KDM4C: variants seen among roughly 807,000 people sequenced by gnomAD.
The protein encoded by KDM4C is lysine-specific demethylase 4C.
In KDM4C, 81 loss-of-function variants were observed where a neutral mutation model predicts 129.3. The ratio of observed to expected loss-of-function variants is 0.63; its 90% CI spans 0.52 to 0.75. The LOEUF is 0.75. KDM4C is among the 30% of genes least tolerant of loss of function. The pLI is 0.00. For synonymous variants in KDM4C, 573 were observed against 456.1 expected, an observed-to-expected ratio of 1.26 and a Z score of -3.26; for missense variants, 1,457 against 1,304.0, an observed-to-expected ratio of 1.12 and a Z score of -1.81.
intron 7 of KDM4C, among the ~76,000 whole-genome samples, chr9:6,892,103 G>A (rs1434056682): frequency 6.6e-6 from 1 of 152,162 alleles, no homozygotes; most frequent in Non-Finnish European, 1.5e-5. Flanking sequence ...GGCAATATGT[G>A]TCAAGGAGAA....
intron 20 of KDM4C, among the ~76,000 whole-genome samples, chr9:7,169,484 C>T (rs534323667): frequency 8.5e-5 from 13 of 152,108 alleles, no homozygotes; most frequent in Non-Finnish European, 1.3e-4. Flanking sequence ...TACAGGCATG[C>T]GCCACCATGC....
intron 21 of KDM4C, 124 bp downstream of exon 21, chr9:7,170,014 A>C (rs2130493902): frequency 6.4e-7 from 1 of 1,551,674 alleles, no homozygotes; most frequent in Non-Finnish European, 8.7e-7. Flanking sequence ...AAGCCAATGC[A>C]ACATTTTCCT....
At chr9:7,063,956 C>G (rs1832062108) in intron 17 of KDM4C, among the ~76,000 whole-genome samples, 1 of 152,200 alleles carries the variant, frequency 6.6e-6, no homozygotes, top group South Asian at 2.1e-4. Flanking sequence ...AGCCTCCCGT[C>G]TTTTGGAGCT....
chr9:6,835,401 C>T (rs777572630), intron 4 of KDM4C: 18 of 1,137,642 alleles, frequency 1.6e-5, no homozygotes, highest in Non-Finnish European at 2.3e-5. Context: ...AGAAGGAGAT[C>T]ACCGCCCTGG....
chr9:6,927,089 T>TTCTATCTATCTATCTA (rs34242647), intron 8 of KDM4C, among the ~76,000 whole-genome samples: 249 of 145,192 alleles, frequency 1.7e-3, no homozygotes, highest in Middle Eastern at 3.5e-3. Flanking sequence ...AAAAAAAATT[T>TTCTATCTATCTATCTA]TCTATCTATC....
Position 6,979,597 on chromosome 9 carries a change from G to C in KDM4C, c.922-1328G>C, listed in dbSNP as rs868766331. ...CCTTATTCTAGGTCTAAGAAAAGCA[G>C]GGTGATTACACCTTATTGAACTCAG... On this transcript the variant is annotated intron_variant, in intron 8 of 21. Transcript: ENST00000381309. Among the ~76,000 whole-genome samples the C allele has an allele frequency of 5.9e-5, 9 of 152,294 alleles. 1 individual carries two copies. The South Asian group carries it at 1.5e-3, about 25-fold the overall frequency.
chr9:6,740,107 C>T (rs1196680915), intron 1 of KDM4C, among the ~76,000 whole-genome samples: 1 of 152,020 alleles, frequency 6.6e-6, no homozygotes, highest in Non-Finnish European at 1.5e-5. Flanking sequence ...CCAGGATGGC[C>T]TCGATCTCTT....
chr9:7,174,598 G>A lies in KDM4C; in HGVS notation c.3040G>A (p.Asp1014Asn), dbSNP rs1845278676. 5 of 1,614,230 alleles carry A rather than the reference G, an allele frequency of 3.1e-6. No homozygotes were observed. Among genetic ancestry groups the A allele is most frequent in the Non-Finnish European group, 4.2e-6 (5 of 1,180,036 alleles). The change falls in exon 22 of 22, where the codon GAC (aspartate) becomes AAC (asparagine). Residue 1014 changes from aspartate (D) to asparagine (N), a missense_variant. Transcript: ENST00000381309. ...ATTTGAAGACACGTTTTATGGAGCAGACATTATCCAAGGGGAGAGAAAGAG... is the reference window on the plus strand; with the variant it reads ...ATTTGAAGACACGTTTTATGGAGCAAACATTATCCAAGGGGAGAGAAAGAG... The part of the protein sequence containing the change: ...MRFEDTFYGA[D>N]IIQGERKRQR...
intron 17 of KDM4C, chr9:7,076,731 T>TA (rs2132886820): frequency 8.4e-7 from 1 of 1,195,306 alleles, no homozygotes; most frequent in African/African-American, 1.6e-5. Flanking sequence ...CTATGTGGGG[T>TA]AAAATGACTT....
At chr9:6,791,048 A>G (rs1826487278) in intron 1 of KDM4C, among the ~76,000 whole-genome samples, 1 of 152,118 alleles carries the variant, frequency 6.6e-6, no homozygotes, top group Non-Finnish European at 1.5e-5. Flanking sequence ...TTGTCTGGCC[A>G]ACTCCCATAC....
At chr9:7,004,339 C>A (rs1213891816) in intron 12 of KDM4C, among the ~76,000 whole-genome samples, 2 of 152,162 alleles carry the variant, frequency 1.3e-5, no homozygotes, top group African/African-American at 4.8e-5. Context: ...ATTTTGACAG[C>A]AGTTTTTAAA....
At chr9:7,044,014 G>C (rs1165666288) in intron 15 of KDM4C, among the ~76,000 whole-genome samples, 1 of 151,968 alleles carries the variant, frequency 6.6e-6, no homozygotes, top group African/African-American at 2.4e-5. Context: ...TAGAGTAAGA[G>C]CAATTAACCT....
At chr9:7,105,565 C>T in intron 18 of KDM4C, 1 of 429,016 alleles carries the variant, frequency 2.3e-6, no homozygotes, top group South Asian at 1.7e-5. Context: ...AATTCCTTGC[C>T]CAAATAGATG....
chr9:6,864,987 ATC>A (rs2130534794), intron 5 of KDM4C, among the ~76,000 whole-genome samples: 1 of 145,978 alleles, frequency 6.9e-6, no homozygotes, highest in Non-Finnish European at 1.5e-5. Flanking sequence ...AATTATTTCA[ATC>A]TCTTTGTTAA....
intron 2 of KDM4C, among the ~76,000 whole-genome samples, chr9:6,793,629 T>G (rs1827181495): frequency 6.6e-6 from 1 of 150,678 alleles, no homozygotes; most frequent in Non-Finnish European, 1.5e-5. Context: ...AATCTCCACC[T>G]CCCGGGTTCC....
chr9:6,820,720 T>C (rs1353480879), intron 4 of KDM4C, among the ~76,000 whole-genome samples: 1,523 of 128,008 alleles, frequency 0.012, 22 homozygotes, highest in African/African-American at 0.04. Flanking sequence ...CTCTCTTTTT[T>C]TTTTTTTTTT....
At chr9:6,995,950 G>A (rs536114416) in intron 12 of KDM4C, among the ~76,000 whole-genome samples, 3 of 152,202 alleles carry the variant, frequency 2.0e-5, no homozygotes, top group South Asian at 4.1e-4. Context: ...TTACAGGCGT[G>A]AGCCACCGCG....
In KDM4C at chr9:7,170,194, A is replaced by G. The variant is rs1373620567; in HGVS notation, c.2994+304A>G. The stretch of plus-strand genomic sequence containing the variant: ...GCTCTGTGTAAAACACCAGGAGCAA[A>G]CAAAGATACCATCAAGGCATTTGCA... On this transcript the variant is annotated intron_variant, in intron 21 of 21. Coordinates refer to ENST00000381309, the MANE Select transcript of KDM4C (RefSeq NM_015061.6). 4.8e-6 allele frequency: 6 copies of G among 1,240,536 alleles called. No homozygotes were observed. The African/African-American group carries it at 6.2e-5, about 13-fold the overall frequency. The allele number at this position is 1,240,536 out of a possible 1,614,324, so 76.8% of individuals were successfully genotyped here. A position where few individuals can be genotyped will look rare whatever the true frequency, so the allele number is the denominator to read the frequency against.
chr9:7,049,133 G>A lies in KDM4C; in HGVS notation c.2357G>A (p.Arg786Gln), dbSNP rs746492854. The change falls in exon 17 of 22, where the codon CGA (arginine) becomes CAA (glutamine). Residue 786 changes from arginine to glutamine, a missense_variant. Physicochemically the swap from Arg to Gln is conservative, Grantham distance 43 (BLOSUM62 1). Transcript: ENST00000381309. ...VMCAVAVPEV[R>Q]FTNVPERTQI... is the part of the protein sequence containing the mutation. ...TGCGCCGTTGCGGTCCCAGAAGTTC[G>A]ATTCACTAATGTCCCAGAAAGGACA... is the stretch of plus-strand genomic sequence containing the variant. The A allele has an allele frequency of 2.1e-5, 34 of 1,612,452 alleles. No homozygotes were observed. Among genetic ancestry groups the A allele is most frequent in the Non-Finnish European group, 2.5e-5 (30 of 1,178,990 alleles).
Sources: gnomAD v4.1 joint callset for allele counts (sites outside exome capture counted in the v4.1 genomes callset) on GRCh38, gnomAD v4.1.1 for gene constraint, MANE v1.5 for transcripts, NCBI Gene and HGNC (gene_info 2026-07-23, HGNC 2026-07-21) for gene names.